PTPRR: variants seen among roughly 807,000 people sequenced by gnomAD.
The protein encoded by PTPRR is receptor-type tyrosine-protein phosphatase R.
A neutral mutation model predicts 77.2 loss-of-function variants in PTPRR; 38 were observed. That is an observed-to-expected ratio of 0.49 (90% confidence interval 0.38 to 0.65). PTPRR has a LOEUF of 0.65. Among genes scored for constraint, PTPRR ranks in the 30% least tolerant of loss-of-function variants. The pLI is 0.00. For synonymous variants in PTPRR, 299 were observed against 283.1 expected (o/e 1.06, Z -0.57); for missense variants, 744 against 799.2 (o/e 0.93, Z 0.83).
chr12:70,788,699 C>G, intron 2 of PTPRR: 1 of 771,256 alleles, frequency 1.3e-6, no homozygotes, highest in Non-Finnish European at 2.2e-6. Flanking sequence ...AAGTTCTATG[C>G]TGACTCATTT....
chr12:70,662,233 T>C (rs889137881), intron 11 of PTPRR, among the ~76,000 whole-genome samples: 1 of 152,222 alleles, frequency 6.6e-6, no homozygotes, highest in Non-Finnish European at 1.5e-5. Context: ...AAATCAGAGA[T>C]ATTTTATTAA....
At chr12:70,723,599 G>A (rs1889335465) in intron 6 of PTPRR, among the ~76,000 whole-genome samples, 2 of 152,128 alleles carry the variant, frequency 1.3e-5, no homozygotes, top group South Asian at 4.1e-4. Context: ...ACAGTCTCAA[G>A]TGTACACACA....
At chr12:70,894,748 T>C (rs1289711776) in intron 1 of PTPRR, among the ~76,000 whole-genome samples, 1 of 151,724 alleles carries the variant, frequency 6.6e-6, no homozygotes, top group African/African-American at 2.4e-5. Flanking sequence ...ACTACATATG[T>C]TCTTAATGAG....
At chr12:70,719,461 G>A (rs1889158636) in intron 6 of PTPRR, among the ~76,000 whole-genome samples, 1 of 151,540 alleles carries the variant, frequency 6.6e-6, no homozygotes, top group South Asian at 2.1e-4. Context: ...GGAACTCCTT[G>A]ACAACCCCTT....
chr12:70,753,284 C>T (rs1890459670), intron 5 of PTPRR, among the ~76,000 whole-genome samples: 1 of 152,060 alleles, frequency 6.6e-6, no homozygotes, highest in Non-Finnish European at 1.5e-5. Flanking sequence ...TCCAATAAAA[C>T]ACTTAGCAAC....
chr12:70,770,871 G>A (rs1449974494), intron 2 of PTPRR, among the ~76,000 whole-genome samples: 1 of 151,670 alleles, frequency 6.6e-6, no homozygotes, highest in African/African-American at 2.4e-5. Context: ...GGATGAAATT[G>A]GAAATCATCA....
intron 2 of PTPRR, among the ~76,000 whole-genome samples, chr12:70,823,727 A>C (rs2470374): frequency 0.19 from 29,498 of 151,988 alleles, 4,719 homozygotes; most frequent in African/African-American, 0.44. Context: ...CTGCCAAGGG[A>C]CAGGTCCTTG....
At chr12:70,762,135 CT>C (rs1447449242) in intron 3 of PTPRR, among the ~76,000 whole-genome samples, 1 of 152,150 alleles carries the variant, frequency 6.6e-6, no homozygotes, top group African/African-American at 2.4e-5. Context: ...TGATACTGTT[CT>C]TCACGTCAAA....
chr12:70,722,457 C>A (rs979220863), intron 6 of PTPRR, among the ~76,000 whole-genome samples: 6 of 152,076 alleles, frequency 3.9e-5, no homozygotes, highest in Admixed American at 3.9e-4. Flanking sequence ...AAAGAGTTCG[C>A]AAGGCTAGTA....
At chr12:70,828,382 TA>T (rs1892153525) in intron 2 of PTPRR, among the ~76,000 whole-genome samples, 1 of 152,202 alleles carries the variant, frequency 6.6e-6, no homozygotes, top group African/African-American at 2.4e-5. Context: ...AGTCCACATA[TA>T]GTTATACTAA....
Position 70,754,215 on chromosome 12 carries a change from A to G in PTPRR, c.714T>C (p.Phe238=). The G allele has an allele frequency of 6.2e-7, 1 of 1,613,626 alleles. No homozygotes were observed. Among genetic ancestry groups the G allele is most frequent in the Non-Finnish European group, 8.5e-7 (1 of 1,179,758 alleles). ...CCATCAAACACGTTACTATAATAACAAAGATGCTGAGAAAAATGACAACAG... is the reference window on the plus strand; with the variant it reads ...CCATCAAACACGTTACTATAATAACGAAGATGCTGAGAAAAATGACAACAG... ...FYAVVIFLSI[F]VIIVTCLMIL... The change falls in exon 5 of 14, where the codon TTT becomes TTC. Residue 238 remains phenylalanine (F), a synonymous_variant. Coordinates refer to ENST00000283228, the MANE Select transcript of PTPRR (RefSeq NM_002849.4).
At chr12:70,807,421 A>G (rs900945381) in intron 2 of PTPRR, among the ~76,000 whole-genome samples, 2 of 152,206 alleles carry the variant, frequency 1.3e-5, no homozygotes, top group African/African-American at 2.4e-5. Context: ...GTCATACAAT[A>G]GATAGCTTGA....
At chr12:70,641,380 CT>C (rs138734813) in intron 13 of PTPRR, among the ~76,000 whole-genome samples, 3,162 of 152,278 alleles carry the variant, frequency 0.021, 126 homozygotes, top group African/African-American at 0.072. Flanking sequence ...CTGGTCAGCA[CT>C]GGTATTTACA....
chr12:70,861,573 A>G (rs986387771), intron 2 of PTPRR, among the ~76,000 whole-genome samples: 1 of 152,122 alleles, frequency 6.6e-6, no homozygotes, highest in Non-Finnish European at 1.5e-5. Context: ...TTCCAATGGC[A>G]TCCATGCAAA....
rs530241900 is a variant in PTPRR, at chr12:70,768,303, G to A, written c.358-3525C>T. The stretch of plus-strand genomic sequence containing the variant: ...AAAGCAAGAGAAGAATCAAATAGAC[G>A]CAATAAAAAATGATAAAGGGGATAT... On this transcript the variant is annotated intron_variant, in intron 2 of 13. Coordinates refer to ENST00000283228, the MANE Select transcript of PTPRR (RefSeq NM_002849.4). Among the ~76,000 whole-genome samples the A allele has an allele frequency of 2.4e-3, 358 of 152,098 alleles. 1 individual carries two copies. The highest frequency in any genetic ancestry group is 6.8e-3 in the Middle Eastern group (2 of 294).
chr12:70,731,738 C>T (rs1889669818), intron 6 of PTPRR, among the ~76,000 whole-genome samples: 1 of 152,186 alleles, frequency 6.6e-6, no homozygotes, highest in Non-Finnish European at 1.5e-5. Context: ...ATATGTCTAA[C>T]TCCCATGAGT....
intron 6 of PTPRR, among the ~76,000 whole-genome samples, chr12:70,740,983 G>T (rs1049521889): frequency 2.0e-5 from 3 of 152,122 alleles, no homozygotes; most frequent in Non-Finnish European, 4.4e-5. Context: ...TTCAAATTTG[G>T]TCACTCTTAA....
chr12:70,703,403 T>C (rs906793822), intron 6 of PTPRR, among the ~76,000 whole-genome samples: 2 of 152,172 alleles, frequency 1.3e-5, no homozygotes, highest in Non-Finnish European at 2.9e-5. Flanking sequence ...GCCTACCTAA[T>C]AGAGGGATAT....
chr12:70,772,322 C>G (rs1264754579), intron 2 of PTPRR, among the ~76,000 whole-genome samples: 1 of 152,128 alleles, frequency 6.6e-6, no homozygotes. Flanking sequence ...TTTACATGTG[C>G]AATCTCCTAT....
Sources: allele counts gnomAD v4.1 joint callset (sites outside exome capture counted in the v4.1 genomes callset), GRCh38; gene constraint gnomAD v4.1.1; transcripts MANE v1.5; gene names NCBI Gene and HGNC (gene_info 2026-07-23, HGNC 2026-07-21).